The following PLG variants were observed in gnomAD, a reference collection of about 807,000 sequenced individuals.
PLG encodes plasmin.
Under a neutral mutation model 104.4 loss-of-function variants are expected in PLG, and 41 were observed. The ratio of observed to expected loss-of-function variants is 0.39; its 90% CI spans 0.31 to 0.51. The LOEUF (loss-of-function observed/expected upper bound fraction) is 0.51. PLG is among the 20% of genes least tolerant of loss of function. The probability of loss-of-function intolerance (pLI) is 0.76; values close to 1 mark genes in which losing one functional copy is unlikely to be tolerated. For missense variants in PLG, 891 were observed against 1,003.6 expected (o/e 0.89, Z 1.52); for synonymous variants, 337 against 357.1 (o/e 0.94, Z 0.63).
At chr6:160,730,835 T>C (rs1777987724) in intron 10 of PLG, 2 of 508,926 alleles carry the variant, frequency 3.9e-6, no homozygotes, top group Non-Finnish European at 7.1e-6. Flanking sequence ...TATACTACTT[T>C]TGATTTTTTA....
intron 12 of PLG, 88 bp from the exon 13 acceptor site, chr6:160,733,907 G>A: frequency 2.7e-6 from 2 of 736,784 alleles, no homozygotes; most frequent in Non-Finnish European, 5.1e-6. Flanking sequence ...TGTCTTCTAA[G>A]GATAGACATG....
rs529184688 is a variant in PLG, at chr6:160,719,971, G to C, written c.1096+1133G>C. Among the ~76,000 whole-genome samples, 6 of 146,054 alleles carry C rather than the reference G, an allele frequency of 4.1e-5. No individual in the cohort carries two copies. The East Asian group carries it at 1.0e-3, about 25-fold the overall frequency. ...ATTTCTGGTGCTTCTCATCTACTGG[G>C]GTAGATCTCAATTTCCATCTGGTGT... On this transcript the variant is annotated intron_variant, in intron 9 of 18. Transcript: ENST00000308192. This position sits in a 1 kb window ranked among gnomAD's most constrained non-coding sequence, Gnocchi z 4.1.
intron 6 of PLG, among the ~76,000 whole-genome samples, chr6:160,715,603 C>T (rs1777714579): frequency 1.3e-5 from 2 of 152,290 alleles, no homozygotes; most frequent in South Asian, 2.1e-4. Flanking sequence ...ATTCCACAGT[C>T]GCTTCTGGTC....
chr6:160,704,990 G>C (rs1380292834), intron 1 of PLG, among the ~76,000 whole-genome samples: 4 of 152,154 alleles, frequency 2.6e-5, no homozygotes, highest in Admixed American at 6.6e-5. Context: ...ATGTTCCCTG[G>C]AGGGCTCGCT....
rs369064775 is a variant in PLG at position 160,717,029 on chromosome 6, T to C, written c.787+266T>C. 8.4e-4 allele frequency among the ~76,000 whole-genome samples: 128 copies of C among 152,348 alleles called. 1 individual carries two copies. Among genetic ancestry groups the C allele is most frequent in the African/African-American group, 2.8e-3 (116 of 41,580 alleles). ...CAGGAGTTCACTGAAATGTAGGCTT[T>C]AGGTGTTGTTCATCCTATTCTCTCT... is the stretch of plus-strand genomic sequence containing the variant. On this transcript the variant is annotated intron_variant, in intron 7 of 18. Coordinates refer to ENST00000308192, the MANE Select transcript of PLG (RefSeq NM_000301.5).
At position 160,752,363 on chromosome 6, in the gene PLG, C is replaced by T. The variant is rs902795701; in HGVS notation, c.2271+103C>T. The T allele has an allele frequency of 4.9e-6, 5 of 1,011,056 alleles. No individual in the cohort carries two copies. Among genetic ancestry groups the T allele is most frequent in the African/African-American group, 3.1e-5 (2 of 63,550 alleles). 62.6% of individuals were successfully genotyped at this position (1,011,056 alleles called of 1,614,324 possible). A position where few individuals can be genotyped will look rare whatever the true frequency, so the allele number is the denominator to read the frequency against. On this transcript the variant is annotated intron_variant, in intron 18 of 18. Transcript: ENST00000308192. The surrounding 1 kb of genome is among the most constrained non-coding windows in gnomAD (Gnocchi z 4.7). ...GGTGGCAAATTCAAGGATTTTCAAC[C>T]GAAGACCCCAGTCTAAGTGTTGTTT... is the stretch of plus-strand genomic sequence containing the variant.
chr6:160,725,479 T>C lies in PLG; in HGVS notation c.1256+2912T>C, dbSNP rs1777907752. 6.6e-6 allele frequency among the ~76,000 whole-genome samples: 1 copy of C among 151,012 alleles called. No individual in the cohort carries two copies. The highest frequency in any genetic ancestry group is 1.5e-5 in the Non-Finnish European group (1 of 67,774). ...CTGAAAAAATTTAAACTTAGAGGAA[T>C]AGATAATAATAAGAATGTTCCATTT... On this transcript the variant is annotated intron_variant, in intron 10 of 18. Coordinates refer to ENST00000308192, the MANE Select transcript of PLG (RefSeq NM_000301.5). The surrounding 1 kb of genome is among the most constrained non-coding windows in gnomAD (Gnocchi z 6.3).
intron 2 of PLG, among the ~76,000 whole-genome samples, chr6:160,706,908 C>A (rs940537758): frequency 6.6e-6 from 1 of 151,046 alleles, no homozygotes; most frequent in Non-Finnish European, 1.5e-5. Flanking sequence ...CAGTGCCTGC[C>A]CTTTAGTATT....
At chr6:160,718,597 T>G (rs902145356) in intron 8 of PLG, 96 bp from the exon 9 acceptor site, 2 of 1,425,268 alleles carry the variant, frequency 1.4e-6, no homozygotes, top group Non-Finnish European at 2.0e-6. Context: ...GAAATGAACT[T>G]TAGCACGTTT....
At position 160,738,319 on chromosome 6, in the gene PLG, C is replaced by G. The variant is rs1397733321; in HGVS notation, c.1803-219C>G. The G allele has an allele frequency of 4.4e-5, 25 of 564,298 alleles. No homozygotes were observed. Among genetic ancestry groups the G allele is most frequent in the Non-Finnish European group, 8.2e-5 (25 of 306,668 alleles). The allele number at this position is 564,298 out of a possible 1,614,324, so 35.0% of individuals were successfully genotyped here. On this transcript the variant is annotated intron_variant, in intron 14 of 18. Transcript: ENST00000308192. This position sits in a 1 kb window ranked among gnomAD's most constrained non-coding sequence, Gnocchi z 6.8. ...GGACAGGCCATGCCTGTGCCTCCCC[C>G]AAGCATCGGAAAAATTGGCATAGAT...
rs554668783 is a variant in PLG at position 160,744,116 on chromosome 6, T to C, written c.2125+2699T>C. Among the ~76,000 whole-genome samples, 1 of 152,118 alleles carries C rather than the reference T, an allele frequency of 6.6e-6. No individual in the cohort carries two copies. The highest frequency in any genetic ancestry group is 2.4e-5 in the African/African-American group (1 of 41,408). On this transcript the variant is annotated intron_variant, in intron 17 of 18. Coordinates refer to ENST00000308192, the MANE Select transcript of PLG (RefSeq NM_000301.5). This position sits in a 1 kb window ranked among gnomAD's most constrained non-coding sequence, Gnocchi z 4.5. The stretch of plus-strand genomic sequence containing the variant: ...GTTCATCAAGGATATTGGCCTGAAG[T>C]TTTTTGTTGTTTTTGTGTCTCTGCC...
At chr6:160,727,075 G>C (rs930036546) in intron 10 of PLG, among the ~76,000 whole-genome samples, 4 of 151,596 alleles carry the variant, frequency 2.6e-5, no homozygotes, top group Admixed American at 2.6e-4. Flanking sequence ...GTCAACATCA[G>C]GAGTAAAAAA....
In PLG at chr6:160,752,520, G is replaced by T. The variant is rs572073812; in HGVS notation, c.2271+260G>T. Among the ~76,000 whole-genome samples the T allele has an allele frequency of 1.8e-4, 28 of 152,278 alleles. No homozygotes were observed. Among genetic ancestry groups the T allele is most frequent in the African/African-American group, 6.0e-4 (25 of 41,550 alleles). ...ACCTCAGGCCACTCACCCTCCTGGG[G>T]TGTGCTGGTGGCCAGGGACTAAAGT... On this transcript the variant is annotated intron_variant, in intron 18 of 18. Transcript: ENST00000308192. This position sits in a 1 kb window ranked among gnomAD's most constrained non-coding sequence, Gnocchi z 4.7.
At chr6:160,704,769 G>A (rs1459059302) in intron 1 of PLG, among the ~76,000 whole-genome samples, 1 of 152,206 alleles carries the variant, frequency 6.6e-6, no homozygotes, top group Non-Finnish European at 1.5e-5. Flanking sequence ...GTGGGGAGCA[G>A]GGGGACTTTG....
rs371185004 is a variant in PLG, at chr6:160,751,864, AAAAGT to A, written c.2126-246_2126-242del. Among the ~76,000 whole-genome samples, 62 of 152,348 alleles carry A rather than the reference AAAAGT, an allele frequency of 4.1e-4. 1 individual carries two copies. In the East Asian group the frequency reaches 0.011, roughly 28 times the overall value. On this transcript the variant is annotated intron_variant, in intron 17 of 18. Coordinates refer to ENST00000308192, the MANE Select transcript of PLG (RefSeq NM_000301.5). ...ATTATTCTTTATAGTTTTAAAAGCAAAAAGTAAAGAAACAACAACCAACCCCAAAC... is the reference window on the plus strand; with the variant it reads ...ATTATTCTTTATAGTTTTAAAAGCAAAAAGAAACAACAACCAACCCCAAAC...
At position 160,740,123 on chromosome 6, in the gene PLG, GC is replaced by G. The variant is rs1267157206; in HGVS notation, c.2018+916del. Among the ~76,000 whole-genome samples, 4 of 152,206 alleles carry G rather than the reference GC, an allele frequency of 2.6e-5. No homozygotes were observed. The highest frequency in any genetic ancestry group is 5.9e-5 in the Non-Finnish European group (4 of 68,042). On this transcript the variant is annotated intron_variant, in intron 16 of 18. Coordinates refer to ENST00000308192, the MANE Select transcript of PLG (RefSeq NM_000301.5). The surrounding 1 kb of genome is among the most constrained non-coding windows in gnomAD (Gnocchi z 5.2). ...GGATGAGCATGGCCTGGATGAGAAG[GC>G]ACGGGGCAGGAGCCTGAGCTGCTCT...
rs1012947605 is a variant in PLG at position 160,740,126 on chromosome 6, C to T, written c.2018+918C>T. On this transcript the variant is annotated intron_variant, in intron 16 of 18. Coordinates refer to ENST00000308192, the MANE Select transcript of PLG (RefSeq NM_000301.5). This position sits in a 1 kb window ranked among gnomAD's most constrained non-coding sequence, Gnocchi z 5.2. ...TGAGCATGGCCTGGATGAGAAGGCA[C>T]GGGGCAGGAGCCTGAGCTGCTCTCC... Among the ~76,000 whole-genome samples the T allele has an allele frequency of 1.4e-4, 22 of 152,168 alleles. No homozygotes were observed. Among genetic ancestry groups the T allele is most frequent in the Admixed American group, 1.0e-3 (16 of 15,284 alleles).
chr6:160,752,578 A>G lies in PLG; in HGVS notation c.2271+318A>G, dbSNP rs783171. On this transcript the variant is annotated intron_variant, in intron 18 of 18. Transcript: ENST00000308192. The surrounding 1 kb of genome is among the most constrained non-coding windows in gnomAD (Gnocchi z 4.7). ...TTTCCGGTAGGGAAGGAGGTAGAGG[A>G]TACAGGACAGAGACCAACTGCACAC... is the stretch of plus-strand genomic sequence containing the variant. Among the ~76,000 whole-genome samples the G allele has an allele frequency of 0.56, 85,369 of 151,840 alleles. 24,632 individuals carry two copies. Among genetic ancestry groups the G allele is most frequent in the East Asian group, 0.98 (5,051 of 5,152 alleles).
chr6:160,712,138 G>A (rs1023138504), intron 4 of PLG: 5 of 186,142 alleles, frequency 2.7e-5, no homozygotes, highest in Non-Finnish European at 4.4e-5. Flanking sequence ...AGAGACTATC[G>A]GGGGCCATGG....
Sources: gnomAD v4.1 joint callset for allele counts (sites outside exome capture counted in the v4.1 genomes callset) on GRCh38, gnomAD v4.1.1 for gene constraint, Gnocchi (gnomAD v3.1) non-coding constraint, MANE v1.5 for transcripts, NCBI Gene and HGNC (gene_info 2026-07-23, HGNC 2026-07-21) for gene names.